AAMDC: variants seen among roughly 807,000 people sequenced by gnomAD.
The protein encoded by AAMDC is mth938 domain-containing protein.
AAMDC carries 16 observed loss-of-function variants against 15.5 expected under a neutral mutation model. That is an observed-to-expected ratio of 1.03 (90% confidence interval 0.70 to 1.57). The LOEUF (loss-of-function observed/expected upper bound fraction) is 1.57. Among genes scored for constraint, AAMDC ranks in the 40% most tolerant of loss-of-function variants. The pLI, the probability that AAMDC is intolerant of heterozygous loss-of-function variation, is 0.00. For synonymous variants in AAMDC, 51 were observed against 51.6 expected, an observed-to-expected ratio of 0.99 and a Z score of 0.05; for missense variants, 141 against 144.9, an observed-to-expected ratio of 0.97 and a Z score of 0.14.
At chr11:77,896,435 G>C (rs113533187) in intron 5 of AAMDC, among the ~76,000 whole-genome samples, 58,247 of 151,882 alleles carry the variant, frequency 0.38, 11,580 homozygotes, top group African/African-American at 0.48. Context: ...GCGGATCACC[G>C]GAGGTCAGAA....
chr11:77,835,791 T>G (rs940223246), intron 1 of AAMDC, among the ~76,000 whole-genome samples: 24 of 152,054 alleles, frequency 1.6e-4, no homozygotes, highest in Admixed American at 2.0e-4. Flanking sequence ...CGTGGTGGCA[T>G]GTACCTGTAA....
chr11:77,887,305 G>C (rs538633366), intron 5 of AAMDC, among the ~76,000 whole-genome samples: 2 of 152,144 alleles, frequency 1.3e-5, no homozygotes, highest in African/African-American at 2.4e-5. Context: ...CATATAAACA[G>C]AACCAAAGAC....
At chr11:77,899,438 G>A (rs867218100) in intron 5 of AAMDC, among the ~76,000 whole-genome samples, 38 of 152,248 alleles carry the variant, frequency 2.5e-4, no homozygotes, top group African/African-American at 7.5e-4. Flanking sequence ...CTGGGAGGCC[G>A]AGTCGGGTGG....
intron 1 of AAMDC, among the ~76,000 whole-genome samples, chr11:77,832,855 T>C (rs1254608540): frequency 3.3e-5 from 5 of 151,642 alleles, no homozygotes; most frequent in African/African-American, 1.2e-4. Flanking sequence ...AAGGGACCAG[T>C]ATTGTGAAAG....
At chr11:77,874,908 G>A (rs983321229), downstream of AAMDC, among the ~76,000 whole-genome samples, 1 of 152,080 alleles carries the variant, frequency 6.6e-6, no homozygotes. Flanking sequence ...GTGGTGGCAC[G>A]TGCCTGTAAT....
chr11:77,899,739 A>C (rs1565231922), intron 5 of AAMDC, among the ~76,000 whole-genome samples: 1 of 152,170 alleles, frequency 6.6e-6, no homozygotes, highest in Non-Finnish European at 1.5e-5. Flanking sequence ...TAGTATCTTT[A>C]TATAATGACA....
chr11:77,876,650 A>C (rs1485320691), downstream of AAMDC, among the ~76,000 whole-genome samples: 1 of 152,130 alleles, frequency 6.6e-6, no homozygotes, highest in Non-Finnish European at 1.5e-5. Context: ...CACAGCTTTT[A>C]AAAATGTATT....
At chr11:77,904,233 G>T (rs1235177376), downstream of AAMDC, among the ~76,000 whole-genome samples, 1 of 151,990 alleles carries the variant, frequency 6.6e-6, no homozygotes, top group Non-Finnish European at 1.5e-5. Flanking sequence ...TATTTTCTCA[G>T]TCCTTCTGAA....
intron 5 of AAMDC, among the ~76,000 whole-genome samples, chr11:77,899,291 A>G (rs1287375061): frequency 1.3e-5 from 2 of 152,064 alleles, no homozygotes; most frequent in Non-Finnish European, 2.9e-5. Context: ...ATTAGGGTGC[A>G]TAACTTTCAA....
chr11:77,884,885 GT>G, intron 5 of AAMDC: 1 of 278,624 alleles, frequency 3.6e-6, no homozygotes, highest in Non-Finnish European at 7.6e-6. Context: ...CTCCTGAGGA[GT>G]GGGGATTACA....
intron 3 of AAMDC, 68 bp downstream of exon 3, chr11:77,869,885 T>G: frequency 1.4e-6 from 2 of 1,473,986 alleles, no homozygotes; most frequent in Non-Finnish European, 1.9e-6. Flanking sequence ...TCTTACAGAC[T>G]TGTCCTTCTT....
chr11:77,844,976 A>G (rs1272428422), intron 2 of AAMDC, among the ~76,000 whole-genome samples: 1 of 152,150 alleles, frequency 6.6e-6, no homozygotes. Context: ...TAAATCAACC[A>G]TTAGCATTAT....
chr11:77,874,640 A>G (rs983072420), downstream of AAMDC, among the ~76,000 whole-genome samples: 1 of 152,178 alleles, frequency 6.6e-6, no homozygotes, highest in South Asian at 2.1e-4. Flanking sequence ...CCACATAACT[A>G]TACTTAGTCC....
chr11:77,897,323 G>A (rs1195184949), intron 5 of AAMDC, among the ~76,000 whole-genome samples: 2 of 150,842 alleles, frequency 1.3e-5, no homozygotes, highest in South Asian at 2.1e-4. Context: ...GTGAAACCAT[G>A]TTTCTATTAT....
At chr11:77,835,710 G>A (rs888017431) in intron 1 of AAMDC, among the ~76,000 whole-genome samples, 2 of 152,110 alleles carry the variant, frequency 1.3e-5, no homozygotes. Flanking sequence ...CTTGAGATCA[G>A]GAATTTGAGA....
intron 2 of AAMDC, among the ~76,000 whole-genome samples, chr11:77,846,835 AT>A (rs1424057332): frequency 6.6e-6 from 1 of 151,946 alleles, no homozygotes; most frequent in Admixed American, 6.6e-5. Flanking sequence ...TAAGTTGACA[AT>A]TTTTTTTAGA....
In AAMDC at chr11:77,862,497, G is replaced by A. The variant is rs148563209; in HGVS notation, c.133-7225G>A. 2.9e-3 allele frequency among the ~76,000 whole-genome samples: 447 copies of A among 152,280 alleles called. 2 individuals carry two copies. The highest frequency in any genetic ancestry group is 0.01 in the African/African-American group (429 of 41,564). ...CAAATTCTCCTCCTCCCACCACTTG[G>A]AGAGGGCATAATTGGGGAATATTGG... is the stretch of plus-strand genomic sequence containing the variant. On this transcript the variant is annotated intron_variant, in intron 2 of 3. Transcript: ENST00000393427.
chr11:77,891,858 A>G, intron 5 of AAMDC: 1 of 1,610,694 alleles, frequency 6.2e-7, no homozygotes, highest in Non-Finnish European at 8.5e-7. Context: ...AACAAACAGA[A>G]GCAACTGACT....
chr11:77,871,774 T>C (rs1590980154), intron 3 of AAMDC, among the ~76,000 whole-genome samples: 1 of 152,218 alleles, frequency 6.6e-6, no homozygotes, highest in African/African-American at 2.4e-5. Context: ...CACACCAAGG[T>C]AGATGTTTCA....
Sources: allele counts gnomAD v4.1 joint callset (sites outside exome capture counted in the v4.1 genomes callset), GRCh38; gene constraint gnomAD v4.1.1; transcripts MANE v1.5; gene names NCBI Gene and HGNC (gene_info 2026-07-23, HGNC 2026-07-21).